RPSA2: variants seen among roughly 807,000 people sequenced by gnomAD.
RPSA2 encodes the protein small ribosomal subunit protein uS2B.
chr19:23,834,314 C>T, the RPSA2 span, among the ~76,000 whole-genome samples: 1 of 12,000 alleles, frequency 8.3e-5, no homozygotes, highest in African/African-American at 2.1e-4. Context: ...TAAATTACTT[C>T]ATGCTCTTCC....
chr19:23,869,915 C>T, the RPSA2 span, among the ~76,000 whole-genome samples: 3 of 152,318 alleles, frequency 2.0e-5, no homozygotes, highest in East Asian at 5.8e-4. Flanking sequence ...TTTTTGGCAG[C>T]TAAGGCGGAC....
the RPSA2 span, among the ~76,000 whole-genome samples, chr19:23,783,917 G>A: frequency 3.3e-5 from 5 of 152,256 alleles, no homozygotes; most frequent in South Asian, 1.0e-3. Context: ...CCTGCTTTCA[G>A]GAGAGGATTG....
chr19:23,857,413 A>G, the RPSA2 span, among the ~76,000 whole-genome samples: 1 of 149,662 alleles, frequency 6.7e-6, no homozygotes. Flanking sequence ...CGGTCCCTCC[A>G]TTTGGGGTCC....
At chr19:23,827,015 C>T in the RPSA2 span, 1 of 658,460 alleles carries the variant, frequency 1.5e-6, no homozygotes, top group East Asian at 2.7e-5. Flanking sequence ...CAAATTATAT[C>T]TACTGAATGA....
the RPSA2 span, among the ~76,000 whole-genome samples, chr19:23,825,028 G>T: frequency 6.6e-6 from 1 of 151,894 alleles, no homozygotes; most frequent in Non-Finnish European, 1.5e-5. Flanking sequence ...TTCCCAGGCT[G>T]GAGTGCAGTG....
chr19:23,843,381 G>C, the RPSA2 span, among the ~76,000 whole-genome samples: 1 of 152,154 alleles, frequency 6.6e-6, no homozygotes, highest in Non-Finnish European at 1.5e-5. Flanking sequence ...CAATGGAAAG[G>C]TTCCTAAAAA....
the RPSA2 span, among the ~76,000 whole-genome samples, chr19:23,772,020 A>G: frequency 8.5e-5 from 13 of 152,244 alleles, no homozygotes; most frequent in East Asian, 2.3e-3. Context: ...TGTGCCTCAC[A>G]TATTTTGAGT....
the RPSA2 span, among the ~76,000 whole-genome samples, chr19:23,802,158 C>A: frequency 0.98 from 148,928 of 152,254 alleles, 72,929 homozygotes; most frequent in Middle Eastern, 1. Context: ...GACTCTTTGA[C>A]CTTTTCACAT....
At chr19:23,792,138 C>A in the RPSA2 span, among the ~76,000 whole-genome samples, 1,530 of 152,292 alleles carry the variant, frequency 0.01, 26 homozygotes, top group African/African-American at 0.035. Flanking sequence ...AAAGTTTCTT[C>A]CCTTATGTGA....
At chr19:23,868,750 T>C in the RPSA2 span, among the ~76,000 whole-genome samples, 2 of 152,162 alleles carry the variant, frequency 1.3e-5, no homozygotes, top group African/African-American at 2.4e-5. Context: ...CTTATGTTTT[T>C]ACAGCAGATG....
At chr19:23,840,566 G>C in the RPSA2 span, among the ~76,000 whole-genome samples, 41 of 152,268 alleles carry the variant, frequency 2.7e-4, no homozygotes, top group Non-Finnish European at 5.4e-4. Flanking sequence ...GGAATTAATG[G>C]CCTGGAATAA....
At chr19:23,850,032 C>A in the RPSA2 span, among the ~76,000 whole-genome samples, 5 of 152,196 alleles carry the variant, frequency 3.3e-5, no homozygotes, top group African/African-American at 1.2e-4. Flanking sequence ...TAGATGGATA[C>A]AACCAGGTGC....
the RPSA2 span, chr19:23,823,944 C>T: frequency 6.6e-6 from 1 of 152,254 alleles, no homozygotes; most frequent in Non-Finnish European, 1.5e-5. Flanking sequence ...TCATCTCCAT[C>T]TCCTGGCTGG....
At chr19:23,759,192 A>C in the RPSA2 span, among the ~76,000 whole-genome samples, 6 of 152,066 alleles carry the variant, frequency 3.9e-5, no homozygotes, top group Non-Finnish European at 5.9e-5. Flanking sequence ...TTCAAAAATA[A>C]AAATATATAT....
At chr19:23,794,475 C>A in the RPSA2 span, among the ~76,000 whole-genome samples, 2 of 152,044 alleles carry the variant, frequency 1.3e-5, no homozygotes, top group Non-Finnish European at 2.9e-5. Context: ...GCTTGTTAGC[C>A]ACGTTTGTCT....
chr19:23,827,822 G>T, the RPSA2 span: 1 of 1,555,532 alleles, frequency 6.4e-7, no homozygotes. Context: ...TGCTGAGAAG[G>T]CAGTGACCAA....
the RPSA2 span, chr19:23,758,870 A>G: frequency 7.1e-7 from 1 of 1,407,656 alleles, no homozygotes; most frequent in Admixed American, 2.0e-5. Context: ...CGAGACCCGG[A>G]GCTCGGGCTG....
At chr19:23,805,396 T>G in the RPSA2 span, among the ~76,000 whole-genome samples, 3 of 152,084 alleles carry the variant, frequency 2.0e-5, no homozygotes. Flanking sequence ...ACTCCCTACC[T>G]CAAGTGATCC....
the RPSA2 span, among the ~76,000 whole-genome samples, chr19:23,860,879 G>A: frequency 6.6e-6 from 1 of 152,080 alleles, no homozygotes; most frequent in Non-Finnish European, 1.5e-5. Flanking sequence ...CACAATGCAA[G>A]ACCTGCCAAT....
Sources: allele counts gnomAD v4.1 joint callset (sites outside exome capture counted in the v4.1 genomes callset), GRCh38; gene constraint gnomAD v4.1.1; transcripts MANE v1.5; gene names NCBI Gene and HGNC (gene_info 2026-07-23, HGNC 2026-07-21).